MLANA: variants seen among roughly 807,000 people sequenced by gnomAD.
MLANA encodes the protein melanoma antigen recognized by T-cells 1.
A neutral mutation model predicts 15.7 loss-of-function variants in MLANA; 21 were observed. The ratio of observed to expected loss-of-function variants is 1.33; its 90% CI spans 0.95 to 1.92. The LOEUF (loss-of-function observed/expected upper bound fraction) is 1.92. MLANA is among the 40% of genes most tolerant of loss of function. MLANA has a pLI of 0.00. For synonymous variants in MLANA, 56 were observed against 51.5 expected (o/e 1.09, Z -0.37); for missense variants, 164 against 143.8 (o/e 1.14, Z -0.72).
Position 5,904,760 on chromosome 9 carries a change from C to T in MLANA, c.175-2125C>T, listed in dbSNP as rs758399691. On this transcript the variant is annotated intron_variant, in intron 3 of 4. Coordinates refer to ENST00000381477, the MANE Select transcript of MLANA (RefSeq NM_005511.2). ...GATTACAGGCGTGAGCCACCGCGCCCAGTCCAGTTACACTTCTTTTTTTTT... is the reference window on the plus strand; with the variant it reads ...GATTACAGGCGTGAGCCACCGCGCCTAGTCCAGTTACACTTCTTTTTTTTT... Among the ~76,000 whole-genome samples the T allele has an allele frequency of 9.9e-5, 15 of 151,174 alleles. 1 individual carries two copies. Among genetic ancestry groups the T allele is most frequent in the Admixed American group, 3.3e-4 (5 of 15,140 alleles).
intron 1 of MLANA, among the ~76,000 whole-genome samples, chr9:5,891,847 G>T (rs1229281956): frequency 2.6e-5 from 4 of 152,196 alleles, no homozygotes; most frequent in Non-Finnish European, 5.9e-5. Context: ...GAGTGCCTGG[G>T]GACAGGCTGA....
chr9:5,906,431 T>C (rs909163903), intron 3 of MLANA, among the ~76,000 whole-genome samples: 2 of 152,256 alleles, frequency 1.3e-5, no homozygotes, highest in African/African-American at 4.8e-5. Context: ...TACAAGGTTC[T>C]GACCTATGTT....
chr9:5,891,585 AAG>A (rs1491138790), intron 1 of MLANA, among the ~76,000 whole-genome samples: 6 of 152,212 alleles, frequency 3.9e-5, no homozygotes, highest in Admixed American at 3.9e-4. Context: ...TGAGGACAGT[AAG>A]AGAGCAGAAA....
chr9:5,905,212 C>T (rs1402470481), intron 3 of MLANA, among the ~76,000 whole-genome samples: 1 of 152,196 alleles, frequency 6.6e-6, no homozygotes, highest in Non-Finnish European at 1.5e-5. Context: ...CTAATTCCTT[C>T]CTCCTGTAAA....
intron 3 of MLANA, 96 bp from the exon 4 acceptor site, chr9:5,906,789 T>C: frequency 1.4e-6 from 1 of 727,668 alleles, no homozygotes; most frequent in Non-Finnish European, 2.2e-6. Context: ...GAACCTAGAT[T>C]AAAACTCATT....
chr9:5,910,179 G>C lies in MLANA; in HGVS notation c.*1471G>C, dbSNP rs1005282874. 4.6e-5 allele frequency: 7 copies of C among 152,174 alleles called. No homozygotes were observed. The allele number at this position is 152,174 out of a possible 1,614,324, so 9.4% of individuals were successfully genotyped here. ...CTGGAAGGCTTACAAGAGTTTTAAAGAAATTACTTTCTCACTATATGATTC... is the reference window on the plus strand; with the variant it reads ...CTGGAAGGCTTACAAGAGTTTTAAACAAATTACTTTCTCACTATATGATTC... On this transcript the variant is annotated 3_prime_UTR_variant, in exon 5 of 5. Coordinates refer to ENST00000381477, the MANE Select transcript of MLANA (RefSeq NM_005511.2).
At chr9:5,902,190 T>C (rs1832474379) in intron 3 of MLANA, among the ~76,000 whole-genome samples, 1 of 152,150 alleles carries the variant, frequency 6.6e-6, no homozygotes, top group East Asian at 1.9e-4. Flanking sequence ...ATAATAGATA[T>C]AAATCTCTTC....
chr9:5,897,493 T>C (rs1328490746), intron 2 of MLANA, 64 bp from the exon 3 acceptor site: 2 of 1,427,196 alleles, frequency 1.4e-6, no homozygotes, highest in Non-Finnish European at 2.0e-6. Context: ...GACTGATTTA[T>C]GCTTCATCAT....
At chr9:5,901,392 C>A (rs1832414675) in intron 3 of MLANA, among the ~76,000 whole-genome samples, 1 of 152,174 alleles carries the variant, frequency 6.6e-6, no homozygotes, top group South Asian at 2.1e-4. Flanking sequence ...TTCCCTTTAT[C>A]CCTCGTTTAT....
intron 3 of MLANA, among the ~76,000 whole-genome samples, chr9:5,902,123 G>A (rs1003190204): frequency 4.6e-5 from 7 of 152,274 alleles, no homozygotes; most frequent in Non-Finnish European, 1.0e-4. Flanking sequence ...ACTCACCACT[G>A]AACTCATCTG....
At chr9:5,908,552 T>C in intron 4 of MLANA, 88 bp from the exon 5 acceptor site, 3 of 1,155,552 alleles carry the variant, frequency 2.6e-6, no homozygotes, top group Non-Finnish European at 3.9e-6. Flanking sequence ...AGGGAAAGTA[T>C]AAATATGTTA....
At chr9:5,900,751 G>C (rs780323570) in intron 3 of MLANA, among the ~76,000 whole-genome samples, 12 of 152,192 alleles carry the variant, frequency 7.9e-5, no homozygotes, top group Non-Finnish European at 1.6e-4. Flanking sequence ...GAAAGGAAAG[G>C]CTGCTTTTTG....
chr9:5,903,383 C>G (rs1029046779), intron 3 of MLANA, among the ~76,000 whole-genome samples: 1 of 151,904 alleles, frequency 6.6e-6, no homozygotes, highest in Non-Finnish European at 1.5e-5. Flanking sequence ...GTATATAATT[C>G]CTTTTATATA....
At chr9:5,895,723 T>C (rs1831971984) in intron 2 of MLANA, among the ~76,000 whole-genome samples, 1 of 152,226 alleles carries the variant, frequency 6.6e-6, no homozygotes, top group South Asian at 2.1e-4. Flanking sequence ...TCCTATGATC[T>C]GCACCTTAAC....
intron 3 of MLANA, among the ~76,000 whole-genome samples, chr9:5,902,966 T>A (rs1832544058): frequency 6.6e-6 from 1 of 152,226 alleles, no homozygotes. Context: ...ATGTCATACA[T>A]TTCCCTCTAA....
intron 3 of MLANA, among the ~76,000 whole-genome samples, chr9:5,900,682 G>T: frequency 6.6e-6 from 1 of 152,016 alleles, no homozygotes; most frequent in Non-Finnish European, 1.5e-5. Flanking sequence ...TTGGAATTTA[G>T]ATCTCTTAAA....
chr9:5,904,217 G>A lies in MLANA; in HGVS notation c.175-2668G>A, dbSNP rs1398272415. Among the ~76,000 whole-genome samples the A allele has an allele frequency of 8.5e-5, 13 of 152,248 alleles. No homozygotes were observed. In the East Asian group the frequency reaches 2.5e-3, roughly 29 times the overall value. On this transcript the variant is annotated intron_variant, in intron 3 of 4. Coordinates refer to ENST00000381477, the MANE Select transcript of MLANA (RefSeq NM_005511.2). ...TCTTTATATTTAAAGAGGGTTTCTT[G>A]TAGAGAACACATAGTTGGGTCTTGT...
intron 3 of MLANA, among the ~76,000 whole-genome samples, chr9:5,903,391 A>G (rs1012088683): frequency 1.3e-5 from 2 of 152,110 alleles, no homozygotes; most frequent in Non-Finnish European, 2.9e-5. Flanking sequence ...TTCCTTTTAT[A>G]TATTGTTAGG....
At chr9:5,892,964 G>A (rs1262160868) in intron 2 of MLANA, among the ~76,000 whole-genome samples, 2 of 152,208 alleles carry the variant, frequency 1.3e-5, no homozygotes, top group Admixed American at 1.3e-4. Context: ...AGGATGACGG[G>A]CAGGTGTGTG....
Sources: allele counts gnomAD v4.1 joint callset (sites outside exome capture counted in the v4.1 genomes callset), GRCh38; gene constraint gnomAD v4.1.1; transcripts MANE v1.5; gene names NCBI Gene and HGNC (gene_info 2026-07-23, HGNC 2026-07-21).